INVS: variants seen among roughly 807,000 people sequenced by gnomAD.
INVS encodes the protein inversin, also known as inversion of embryo turning homolog.
INVS carries 86 observed loss-of-function variants against 108.8 expected under a neutral mutation model. The observed-to-expected ratio is 0.79, with a 90% CI of 0.66 to 0.95. The LOEUF is 0.95. Ranked by LOEUF, INVS falls within the 40% of genes least tolerant of loss-of-function variation. INVS has a pLI of 0.00. For synonymous variants in INVS, 455 were observed against 473.5 expected, an observed-to-expected ratio of 0.96 and a Z score of 0.51; for missense variants, 1,169 against 1,297.4, an observed-to-expected ratio of 0.90 and a Z score of 1.52.
intron 3 of INVS, among the ~76,000 whole-genome samples, chr9:100,131,077 T>A (rs1028692193): frequency 1.3e-5 from 2 of 152,102 alleles, no homozygotes; most frequent in Non-Finnish European, 2.9e-5. Context: ...AAGCTCATAT[T>A]CCCAAAGCAT....
At chr9:100,242,175 T>C (rs1831895528) in intron 6 of INVS, among the ~76,000 whole-genome samples, 1 of 152,188 alleles carries the variant, frequency 6.6e-6, no homozygotes, top group Non-Finnish European at 1.5e-5. Context: ...TTCTGTTTGG[T>C]TGGGCAACGG....
chr9:100,252,192 TG>T (rs1832257648), intron 8 of INVS, 90 bp from the exon 9 acceptor site: 7 of 1,368,612 alleles, frequency 5.1e-6, no homozygotes, highest in Non-Finnish European at 5.2e-6. Flanking sequence ...TTCAAAATGA[TG>T]GGGAAATCAA....
intron 8 of INVS, among the ~76,000 whole-genome samples, chr9:100,247,135 A>G (rs1336842548): frequency 6.6e-6 from 1 of 151,780 alleles, no homozygotes; most frequent in African/African-American, 2.4e-5. Context: ...GTAGTCATGA[A>G]TTATATTTTC....
At chr9:100,166,384 A>AT (rs1829365433) in intron 3 of INVS, among the ~76,000 whole-genome samples, 1 of 152,100 alleles carries the variant, frequency 6.6e-6, no homozygotes, top group Admixed American at 6.6e-5. Context: ...CTAGCCAGGC[A>AT]TGGTGGTACA....
intron 3 of INVS, among the ~76,000 whole-genome samples, chr9:100,225,421 TCATC>T (rs1165693328): frequency 3.9e-5 from 6 of 152,352 alleles, no homozygotes; most frequent in Non-Finnish European, 7.3e-5. Context: ...AGAAAACTAA[TCATC>T]CATACCTTAT....
At chr9:100,293,529 AG>A (rs998204301) in intron 14 of INVS, among the ~76,000 whole-genome samples, 3 of 152,194 alleles carry the variant, frequency 2.0e-5, no homozygotes, top group African/African-American at 4.8e-5. Context: ...TTTACTACCC[AG>A]GAACTAGTCA....
At chr9:100,117,301 C>T in intron 2 of INVS, 4 of 726,032 alleles carry the variant, frequency 5.5e-6, no homozygotes, top group Non-Finnish European at 9.9e-6. Context: ...GCTTCTGCAC[C>T]GGCGTAACCT....
intron 2 of INVS, chr9:100,120,980 A>G (rs1827710274): frequency 6.6e-6 from 1 of 152,204 alleles, no homozygotes; most frequent in South Asian, 2.1e-4. Flanking sequence ...AATTGCTACA[A>G]GGTACCCTGG....
chr9:100,144,822 G>A (rs560115550), intron 3 of INVS, among the ~76,000 whole-genome samples: 30 of 152,164 alleles, frequency 2.0e-4, no homozygotes, highest in Non-Finnish European at 2.1e-4. Context: ...AAGACTCAGC[G>A]ACGCTTGGGG....
intron 8 of INVS, 62 bp downstream of exon 8, chr9:100,246,849 A>G (rs781625110): frequency 3.3e-5 from 48 of 1,438,940 alleles, no homozygotes; most frequent in Non-Finnish European, 4.6e-5. Flanking sequence ...AGATGTTGCT[A>G]TAAAATTTGT....
Position 100,292,516 on chromosome 9 carries a change from T to C in INVS, c.2259T>C (p.Pro753=), listed in dbSNP as rs1833651436. ...CCTCCTGTATCAGGGTGGCTGGGCC[T>C]GATGAGAAAGGAGAGGACTCCAGGC... is the stretch of plus-strand genomic sequence containing the variant. ...KQPSCIRVAG[P]DEKGEDSRRA... is the part of the protein sequence containing the mutation. Residue 753 remains proline, a synonymous_variant, in exon 14 of 17, where the codon CCT becomes CCC. Transcript: ENST00000262457. 1 of 1,614,062 alleles carries C rather than the reference T, an allele frequency of 6.2e-7. No individual in the cohort carries two copies. The highest frequency in any genetic ancestry group is 1.6e-4 in the Middle Eastern group (1 of 6,062).
At chr9:100,260,315 G>A (rs1012668086) in intron 10 of INVS, among the ~76,000 whole-genome samples, 7 of 146,970 alleles carry the variant, frequency 4.8e-5, no homozygotes, top group Non-Finnish European at 1.1e-4. Flanking sequence ...TCAGCCTCCC[G>A]AGTAGCTGGG....
At chr9:100,244,524 A>C (rs1411607776) in intron 7 of INVS, among the ~76,000 whole-genome samples, 1 of 152,226 alleles carries the variant, frequency 6.6e-6, no homozygotes, top group Non-Finnish European at 1.5e-5. Flanking sequence ...AATGGAAACA[A>C]GAAAGAATGG....
chr9:100,212,358 CTTTGA>C (rs1233542560), intron 3 of INVS, among the ~76,000 whole-genome samples: 1 of 151,918 alleles, frequency 6.6e-6, no homozygotes, highest in African/African-American at 2.4e-5. Context: ...AATTTATATT[CTTTGA>C]TTTATGTCAG....
chr9:100,130,845 A>G (rs1478715195), intron 3 of INVS: 1 of 152,198 alleles, frequency 6.6e-6, no homozygotes, highest in Non-Finnish European at 1.5e-5. Context: ...TAAGTTGCTT[A>G]CAAAGATCAT....
At chr9:100,246,575 T>C in intron 7 of INVS, 41 bp from the exon 8 acceptor site, 1 of 1,432,378 alleles carries the variant, frequency 7.0e-7, no homozygotes, top group Non-Finnish European at 9.8e-7. Context: ...CAGAAAATAC[T>C]ACTGTTTTGT....
At chr9:100,186,023 C>G (rs938843352) in intron 3 of INVS, among the ~76,000 whole-genome samples, 2 of 152,114 alleles carry the variant, frequency 1.3e-5, no homozygotes, top group Non-Finnish European at 2.9e-5. Flanking sequence ...ATGCAGATGT[C>G]TTTTTAATGA....
chr9:100,176,037 T>TG (rs754484000), intron 3 of INVS: 7 of 524,144 alleles, frequency 1.3e-5, no homozygotes, highest in Non-Finnish European at 2.6e-5. Context: ...TCCAAGAACA[T>TG]GCAGCCTGAA....
At chr9:100,247,058 G>A (rs557170612) in intron 8 of INVS, among the ~76,000 whole-genome samples, 25 of 151,206 alleles carry the variant, frequency 1.7e-4, no homozygotes, top group Middle Eastern at 3.4e-3. Flanking sequence ...TGATTATGGG[G>A]ACTCTTCTGA....
Sources: gnomAD v4.1 joint callset for allele counts (sites outside exome capture counted in the v4.1 genomes callset) on GRCh38, gnomAD v4.1.1 for gene constraint, MANE v1.5 for transcripts, NCBI Gene and HGNC (gene_info 2026-07-23, HGNC 2026-07-21) for gene names.